The following BTBD9 variants were observed in gnomAD, a reference collection of about 807,000 sequenced individuals.
The protein encoded by BTBD9 is BTB/POZ domain-containing protein 9.
BTBD9 carries 49 observed loss-of-function variants against 64.3 expected under a neutral mutation model. The ratio of observed to expected loss-of-function variants is 0.76; its 90% CI spans 0.61 to 0.97. The LOEUF (loss-of-function observed/expected upper bound fraction) is 0.97, where lower values mean the gene tolerates loss of function less well. BTBD9 is among the 50% of genes least tolerant of loss of function. The pLI is 0.00. For synonymous variants in BTBD9, 260 were observed against 274.7 expected, an observed-to-expected ratio of 0.95 and a Z score of 0.53; for missense variants, 598 against 762.1, an observed-to-expected ratio of 0.78 and a Z score of 2.53.
intron 9 of BTBD9, among the ~76,000 whole-genome samples, chr6:38,209,981 C>T (rs1216234665): frequency 6.6e-6 from 1 of 152,200 alleles, no homozygotes; most frequent in Admixed American, 6.5e-5. Context: ...CAGGACCCTC[C>T]CGCCAGCTCC....
intron 6 of BTBD9, among the ~76,000 whole-genome samples, chr6:38,375,934 A>AGAAG (rs1404426255): frequency 7.8e-5 from 9 of 115,604 alleles, no homozygotes; most frequent in Non-Finnish European, 1.1e-4. Flanking sequence ...AAAGAAAGAA[A>AGAAG]GAAAGAAGGA....
At chr6:38,629,616 G>C (rs528127904) in intron 1 of BTBD9, among the ~76,000 whole-genome samples, 2 of 152,070 alleles carry the variant, frequency 1.3e-5, no homozygotes, top group Non-Finnish European at 2.9e-5. Flanking sequence ...GAGGTCAAGA[G>C]TTCTAGACCA....
At chr6:38,605,065 TA>T (rs1169920036) in intron 1 of BTBD9, among the ~76,000 whole-genome samples, 1 of 150,934 alleles carries the variant, frequency 6.6e-6, no homozygotes, top group African/African-American at 2.5e-5. Context: ...TTTTTTTTTT[TA>T]AAGGCAATCT....
intron 6 of BTBD9, among the ~76,000 whole-genome samples, chr6:38,441,460 C>T (rs973982172): frequency 3.7e-4 from 56 of 152,096 alleles, no homozygotes; most frequent in Admixed American, 3.5e-3. Flanking sequence ...CCCAGTCTGT[C>T]GTCCGGGCTG....
In BTBD9 at chr6:38,594,045, C is replaced by T. The variant is rs767923800; in HGVS notation, c.468G>A (p.Lys156=). ...FDVASLYSLP[K]LTCMCCMFMD... is the part of the protein sequence containing the mutation. ...TAAACATGCAGCACATACAAGTTAA[C>T]TTGGGAAGTGAGTAGAGACTGGCAA... Residue 156 remains lysine, a synonymous_variant, in exon 3 of 11, where the codon AAG becomes AAA. Transcript: ENST00000481247. 3.1e-6 allele frequency: 5 copies of T among 1,614,046 alleles called. No individual in the cohort carries two copies. The highest frequency in any genetic ancestry group is 4.2e-6 in the Non-Finnish European group (5 of 1,180,018).
chr6:38,386,631 T>A (rs891183488), intron 6 of BTBD9, among the ~76,000 whole-genome samples: 35 of 44,980 alleles, frequency 7.8e-4, no homozygotes, highest in African/African-American at 4.2e-3. Context: ...CAGTTTACTC[T>A]TTTTTTTTTT....
chr6:38,246,448 G>A (rs576474307), intron 9 of BTBD9, among the ~76,000 whole-genome samples: 15 of 149,140 alleles, frequency 1.0e-4, no homozygotes, highest in African/African-American at 2.7e-4. Flanking sequence ...CAGACTTGGC[G>A]CACGTGCACG....
intron 1 of BTBD9, among the ~76,000 whole-genome samples, chr6:38,599,881 A>T (rs977857561): frequency 9.2e-5 from 14 of 152,210 alleles, no homozygotes; most frequent in African/African-American, 3.4e-4. Flanking sequence ...TAAGCAAGAA[A>T]ACACCTACCC....
At position 38,312,883 on chromosome 6, in the gene BTBD9, A is replaced by G. The variant is rs1582212173; in HGVS notation, c.1265-24422T>C. 2.0e-5 allele frequency among the ~76,000 whole-genome samples: 3 copies of G among 152,170 alleles called. 1 individual carries two copies. The South Asian group carries it at 6.2e-4, about 31-fold the overall frequency. ...CTTTTTGTTCAGGACATCTTTGGCT[A>G]TTCCAGGTCTTTTGTGGTTCCATAT... On this transcript the variant is annotated intron_variant, in intron 7 of 10. Transcript: ENST00000481247.
chr6:38,369,505 C>T (rs4711538), intron 6 of BTBD9, among the ~76,000 whole-genome samples: 55,746 of 152,076 alleles, frequency 0.37, 12,375 homozygotes, highest in East Asian at 0.84. Flanking sequence ...CAGCTTCACA[C>T]TCCCACCACT....
chr6:38,498,913 A>G (rs1406578716), intron 6 of BTBD9, among the ~76,000 whole-genome samples: 6 of 152,208 alleles, frequency 3.9e-5, no homozygotes, highest in Non-Finnish European at 7.3e-5. Context: ...TGTACAATCA[A>G]GTTAAATCCC....
intron 1 of BTBD9, among the ~76,000 whole-genome samples, chr6:38,626,234 G>A (rs567284138): frequency 2.0e-5 from 3 of 152,272 alleles, no homozygotes; most frequent in East Asian, 1.9e-4. Context: ...TGATACCAGC[G>A]TGCAATGCAT....
intron 6 of BTBD9, among the ~76,000 whole-genome samples, chr6:38,405,299 T>G (rs1171761783): frequency 6.6e-6 from 1 of 152,092 alleles, no homozygotes; most frequent in Non-Finnish European, 1.5e-5. Context: ...ATCTGGAAAC[T>G]GGCAAAACAG....
chr6:38,387,340 C>A, intron 6 of BTBD9, among the ~76,000 whole-genome samples: 1 of 152,136 alleles, frequency 6.6e-6, no homozygotes, highest in Admixed American at 6.5e-5. Context: ...AGTTTGGGAC[C>A]AGCCTGGCCA....
chr6:38,377,287 G>A (rs1765728098), intron 6 of BTBD9, among the ~76,000 whole-genome samples: 1 of 152,116 alleles, frequency 6.6e-6, no homozygotes, highest in Non-Finnish European at 1.5e-5. Flanking sequence ...AACCATGTCG[G>A]TCACAGCAAG....
At chr6:38,455,288 A>T (rs1769745112) in intron 6 of BTBD9, among the ~76,000 whole-genome samples, 1 of 152,078 alleles carries the variant, frequency 6.6e-6, no homozygotes, top group Non-Finnish European at 1.5e-5. Context: ...TTCTCACCTC[A>T]CCCTTAACCC....
chr6:38,334,228 T>C (rs547438042), intron 7 of BTBD9, among the ~76,000 whole-genome samples: 5 of 152,304 alleles, frequency 3.3e-5, no homozygotes, highest in Admixed American at 2.6e-4. Flanking sequence ...TAAAAGCATA[T>C]GCTCATATGC....
rs996845301 is a variant in BTBD9 at position 38,435,817 on chromosome 6, C to T, written c.1155-90724G>A. 1.9e-4 allele frequency among the ~76,000 whole-genome samples: 29 copies of T among 151,010 alleles called. 2 individuals carry two copies. Among genetic ancestry groups the T allele is most frequent in the African/African-American group, 6.6e-4 (27 of 40,748 alleles). On this transcript the variant is annotated intron_variant, in intron 6 of 10. Coordinates refer to ENST00000481247, the MANE Select transcript of BTBD9 (RefSeq NM_001099272.2). ...CCGAGTAGCTGGGATTACAGGTGCC[C>T]GCCACTGCGCCCGGCTAATTTTTGT... is the stretch of plus-strand genomic sequence containing the variant.
chr6:38,608,979 T>C (rs1489530916), intron 1 of BTBD9, among the ~76,000 whole-genome samples: 2 of 152,178 alleles, frequency 1.3e-5, no homozygotes, highest in Admixed American at 6.5e-5. Flanking sequence ...AGTATCTCCA[T>C]GCAGTCTAGG....
Sources: gnomAD v4.1 joint callset for allele counts (sites outside exome capture counted in the v4.1 genomes callset) on GRCh38, gnomAD v4.1.1 for gene constraint, MANE v1.5 for transcripts, NCBI Gene and HGNC (gene_info 2026-07-23, HGNC 2026-07-21) for gene names.